Variants in RB1 observed in about 807,000 individuals in gnomAD.
RB1 encodes the protein RB transcriptional corepressor 1, also known as retinoblastoma-associated protein.
A neutral mutation model predicts 135.4 loss-of-function variants in RB1; 18 were observed. The observed-to-expected ratio is 0.13, with a 90% CI of 0.09 to 0.20. The LOEUF (loss-of-function observed/expected upper bound fraction) is 0.20. Ranked by LOEUF, RB1 falls within the 10% of genes least tolerant of loss-of-function variation. The pLI, the probability that RB1 is intolerant of heterozygous loss-of-function variation, is 1.00. For missense variants in RB1, 868 were observed against 1,110.0 expected (o/e 0.78, Z 3.10); for synonymous variants, 365 against 373.2 (o/e 0.98, Z 0.25).
At chr13:48,443,144 T>G (rs1195892022) in intron 17 of RB1, among the ~76,000 whole-genome samples, 2 of 151,788 alleles carry the variant, frequency 1.3e-5, no homozygotes, top group Non-Finnish European at 2.9e-5. Flanking sequence ...CATTGTTATG[T>G]TCTTAAAAAT....
intron 17 of RB1, chr13:48,444,997 T>C (rs1482676627): frequency 6.6e-6 from 1 of 152,194 alleles, no homozygotes; most frequent in East Asian, 1.9e-4. Context: ...AGTTTTTTTT[T>C]TTTTAATTTC....
intron 26 of RB1, 37 bp downstream of exon 26, chr13:48,477,441 CAA>C: frequency 6.7e-7 from 1 of 1,488,254 alleles, no homozygotes; most frequent in East Asian, 2.3e-5. Flanking sequence ...ATGAAATAAA[CAA>C]TTGTTTACAC....
chr13:48,446,746 C>A (rs565009908), intron 17 of RB1, among the ~76,000 whole-genome samples: 2 of 152,260 alleles, frequency 1.3e-5, no homozygotes, highest in Admixed American at 6.5e-5. Context: ...ATGCCACAGT[C>A]ATGGAATAGA....
At chr13:48,336,791 T>A (rs1186967851) in intron 2 of RB1, among the ~76,000 whole-genome samples, 1 of 152,026 alleles carries the variant, frequency 6.6e-6, no homozygotes, top group East Asian at 1.9e-4. Flanking sequence ...CAATTTTGGA[T>A]GTTTCCTGCT....
chr13:48,343,785 TTTCTC>T (rs1187902508), intron 3 of RB1, among the ~76,000 whole-genome samples: 1 of 152,236 alleles, frequency 6.6e-6, no homozygotes, highest in Non-Finnish European at 1.5e-5. Context: ...TCCTTTCTCT[TTTCTC>T]TTCTAATCAA....
At chr13:48,458,311 G>A (rs1416012222) in intron 19 of RB1, among the ~76,000 whole-genome samples, 1 of 152,158 alleles carries the variant, frequency 6.6e-6, no homozygotes, top group Admixed American at 6.5e-5. Flanking sequence ...GGTGGGGTGG[G>A]GAGGTTGATT....
At chr13:48,379,751 A>G in intron 14 of RB1, 101 bp downstream of exon 14, 1 of 1,413,052 alleles carries the variant, frequency 7.1e-7, no homozygotes, top group Admixed American at 2.2e-5. Flanking sequence ...CAGGAGGTCA[A>G]GGCATCAAGA....
chr13:48,327,075 A>G (rs1269474505), intron 2 of RB1, among the ~76,000 whole-genome samples: 1 of 151,616 alleles, frequency 6.6e-6, no homozygotes, highest in Non-Finnish European at 1.5e-5. Context: ...TAAGAAAGCC[A>G]GTAGTTAAGT....
chr13:48,379,376 G>C (rs1357181499), intron 13 of RB1, among the ~76,000 whole-genome samples: 3 of 152,000 alleles, frequency 2.0e-5, no homozygotes, highest in African/African-American at 7.2e-5. Context: ...TTAAGAAAAG[G>C]CTTTTTAAAA....
intron 17 of RB1, among the ~76,000 whole-genome samples, chr13:48,388,022 T>A (rs1256588583): frequency 1.3e-5 from 2 of 152,214 alleles, no homozygotes; most frequent in Non-Finnish European, 2.9e-5. Flanking sequence ...TTCCTGATCA[T>A]CCTAGTCTAT....
At chr13:48,364,464 T>C (rs1316436247) in intron 8 of RB1, among the ~76,000 whole-genome samples, 1 of 152,246 alleles carries the variant, frequency 6.6e-6, no homozygotes, top group Non-Finnish European at 1.5e-5. Context: ...TCTCTATCTT[T>C]ATCATAAGAA....
chr13:48,454,045 G>A (rs1440042698), intron 18 of RB1, among the ~76,000 whole-genome samples: 1 of 152,178 alleles, frequency 6.6e-6, no homozygotes, highest in East Asian at 1.9e-4. Flanking sequence ...CTGTGTGCTG[G>A]GCAATGGCCT....
chr13:48,474,969 G>T (rs1168095127), intron 24 of RB1, among the ~76,000 whole-genome samples: 2 of 151,822 alleles, frequency 1.3e-5, no homozygotes, highest in African/African-American at 4.8e-5. Flanking sequence ...AAACTCCTCG[G>T]CCCAAGCAGT....
intron 2 of RB1, among the ~76,000 whole-genome samples, chr13:48,334,177 T>C (rs1388859934): frequency 6.6e-6 from 1 of 152,174 alleles, no homozygotes; most frequent in East Asian, 1.9e-4. Context: ...GGTGACTGAT[T>C]CACATGGTGT....
At chr13:48,409,404 G>A (rs1948769891) in intron 17 of RB1, among the ~76,000 whole-genome samples, 1 of 151,798 alleles carries the variant, frequency 6.6e-6, no homozygotes, top group African/African-American at 2.4e-5. Flanking sequence ...CCAGAGAACA[G>A]CAAAAATCAA....
chr13:48,465,184 A>C lies in RB1; in HGVS notation c.2326-21A>C, dbSNP rs1318337462. 23 of 1,613,438 alleles carry C rather than the reference A, an allele frequency of 1.4e-5. 1 individual carries two copies. In the Admixed American group the frequency reaches 3.7e-4, roughly 26 times the overall value. On this transcript the variant is annotated intron_variant, in intron 22 of 26. Coordinates refer to ENST00000267163, the MANE Select transcript of RB1 (RefSeq NM_000321.3). ...CACCAAAACATTAAATAAATAATCT[A>C]CTTTTTTGTTTTTGCTCTAGCCCCC...
chr13:48,316,516 A>G (rs1325668412), intron 2 of RB1, among the ~76,000 whole-genome samples: 1 of 152,216 alleles, frequency 6.6e-6, no homozygotes, highest in East Asian at 1.9e-4. Flanking sequence ...AGGAAATTGC[A>G]ATTAGGAACA....
chr13:48,415,390 C>A (rs546913448), intron 17 of RB1, among the ~76,000 whole-genome samples: 99 of 151,868 alleles, frequency 6.5e-4, no homozygotes, highest in African/African-American at 2.4e-3. Context: ...AGCAATTTTC[C>A]CACCTCAGCC....
intron 24 of RB1, among the ~76,000 whole-genome samples, chr13:48,473,843 A>G (rs1473327949): frequency 6.6e-6 from 1 of 152,102 alleles, no homozygotes; most frequent in Non-Finnish European, 1.5e-5. Flanking sequence ...AAATGGTCTC[A>G]CTGCAGACAC....
Sources: allele counts gnomAD v4.1 joint callset (sites outside exome capture counted in the v4.1 genomes callset), GRCh38; gene constraint gnomAD v4.1.1; transcripts MANE v1.5; gene names NCBI Gene and HGNC (gene_info 2026-07-23, HGNC 2026-07-21).